RBMS3: variants seen among roughly 807,000 people sequenced by gnomAD.
The protein encoded by RBMS3 is RNA binding motif single stranded interacting protein 3.
Under a neutral mutation model 66.8 loss-of-function variants are expected in RBMS3, and 27 were observed. That is an observed-to-expected ratio of 0.40 (90% CI 0.30 to 0.56). The LOEUF (loss-of-function observed/expected upper bound fraction) is 0.56, where lower values mean the gene tolerates loss of function less well. RBMS3 is among the 20% of genes least tolerant of loss of function. RBMS3 has a pLI of 0.40. For missense variants in RBMS3, 513 were observed against 549.5 expected, an observed-to-expected ratio of 0.93 and a Z score of 0.66; for synonymous variants, 188 against 183.0, an observed-to-expected ratio of 1.03 and a Z score of -0.22.
At chr3:29,900,515 A>T (rs17838728) in intron 10 of RBMS3, among the ~76,000 whole-genome samples, 4 of 151,746 alleles carry the variant, frequency 2.6e-5, no homozygotes, top group Non-Finnish European at 5.9e-5. Flanking sequence ...TCTTTGCCTA[A>T]GTCTTCCAGG....
At chr3:29,370,442 T>C (rs950349451) in intron 1 of RBMS3, among the ~76,000 whole-genome samples, 27 of 152,240 alleles carry the variant, frequency 1.8e-4, no homozygotes, top group African/African-American at 6.3e-4. Context: ...TTTTAATTTC[T>C]ATATTTTAGT....
intron 4 of RBMS3, among the ~76,000 whole-genome samples, chr3:29,624,727 A>T (rs1171412091): frequency 6.6e-6 from 1 of 152,214 alleles, no homozygotes; most frequent in Non-Finnish European, 1.5e-5. Flanking sequence ...TATGAGCATA[A>T]ATAGGTATAA....
At chr3:29,357,481 C>T (rs545016517) in intron 1 of RBMS3, among the ~76,000 whole-genome samples, 21 of 152,088 alleles carry the variant, frequency 1.4e-4, no homozygotes, top group African/African-American at 2.7e-4. Flanking sequence ...CAAGTCTTGG[C>T]GATTGTGAGT....
intron 12 of RBMS3, among the ~76,000 whole-genome samples, chr3:29,959,639 C>T (rs1696283373): frequency 6.6e-6 from 1 of 152,178 alleles, no homozygotes; most frequent in Non-Finnish European, 1.5e-5. Flanking sequence ...TTACTCAAGA[C>T]TGAGTAATGT....
At chr3:29,838,244 T>C (rs1403461338) in intron 6 of RBMS3, among the ~76,000 whole-genome samples, 1 of 135,490 alleles carries the variant, frequency 7.4e-6, no homozygotes, top group Non-Finnish European at 1.6e-5. Context: ...GAGGCCAGGG[T>C]GGGAGAATTA....
chr3:29,545,571 A>G (rs911131780), intron 3 of RBMS3, among the ~76,000 whole-genome samples: 1 of 152,218 alleles, frequency 6.6e-6, no homozygotes, highest in Non-Finnish European at 1.5e-5. Flanking sequence ...TTTCAGCGCT[A>G]TGTTGAAGAC....
At chr3:29,872,402 T>C (rs2059513514) in intron 7 of RBMS3, among the ~76,000 whole-genome samples, 1 of 152,154 alleles carries the variant, frequency 6.6e-6, no homozygotes, top group South Asian at 2.1e-4. Context: ...GCATTCTCTC[T>C]TTTTCTATAC....
chr3:29,980,667 T>TTC (rs1697923859), intron 12 of RBMS3, among the ~76,000 whole-genome samples: 1 of 152,060 alleles, frequency 6.6e-6, no homozygotes, highest in South Asian at 2.1e-4. Flanking sequence ...CCAGTTTTCC[T>TTC]AACACCACTT....
chr3:29,945,019 TGATTTA>T (rs2149705724), intron 12 of RBMS3, among the ~76,000 whole-genome samples: 1 of 151,886 alleles, frequency 6.6e-6, no homozygotes, highest in African/African-American at 2.4e-5. Context: ...TTTTGAATTT[TGATTTA>T]TTGCAAAGAG....
chr3:29,437,467 T>C (rs2041443451), intron 2 of RBMS3, among the ~76,000 whole-genome samples: 1 of 152,270 alleles, frequency 6.6e-6, no homozygotes, highest in South Asian at 2.1e-4. Context: ...TGATAAAGAA[T>C]ATTAAGTGAA....
At chr3:29,631,710 GT>G (rs1453115478) in intron 4 of RBMS3, among the ~76,000 whole-genome samples, 1 of 151,690 alleles carries the variant, frequency 6.6e-6, no homozygotes. Flanking sequence ...GTTTAAGCAT[GT>G]TTTTTTCTAG....
At chr3:29,958,306 C>A (rs1450856356) in intron 12 of RBMS3, among the ~76,000 whole-genome samples, 1 of 152,080 alleles carries the variant, frequency 6.6e-6, no homozygotes, top group African/African-American at 2.4e-5. Context: ...CTTTTGAAAG[C>A]CTTTCTTTTT....
chr3:29,723,502 C>A (rs2053732017), intron 4 of RBMS3, among the ~76,000 whole-genome samples: 2 of 152,134 alleles, frequency 1.3e-5, no homozygotes, highest in Non-Finnish European at 2.9e-5. Flanking sequence ...TCATTAATGA[C>A]ATTTTATATA....
At chr3:29,298,048 A>C (rs2033402730) in intron 1 of RBMS3, among the ~76,000 whole-genome samples, 1 of 151,778 alleles carries the variant, frequency 6.6e-6, no homozygotes, top group Non-Finnish European at 1.5e-5. Context: ...CCCTTTTGTT[A>C]ATCTTCCTCC....
intron 4 of RBMS3, chr3:29,696,975 G>A (rs2052310684): frequency 1.0e-6 from 1 of 977,434 alleles, no homozygotes; most frequent in Non-Finnish European, 1.2e-6. Context: ...GGTACCCCTA[G>A]TAGTTGTGAT....
chr3:29,433,470 C>A (rs6809334), intron 1 of RBMS3, among the ~76,000 whole-genome samples: 122,651 of 152,156 alleles, frequency 0.81, 50,116 homozygotes, highest in East Asian at 0.97. Flanking sequence ...CATGAATATT[C>A]ATATTATTGT....
At chr3:29,306,479 A>C (rs1559475360) in intron 1 of RBMS3, among the ~76,000 whole-genome samples, 1 of 151,948 alleles carries the variant, frequency 6.6e-6, no homozygotes, top group Non-Finnish European at 1.5e-5. Context: ...GTTTTGACTA[A>C]TAAGAATCAA....
At chr3:29,552,883 T>C (rs1023499262) in intron 3 of RBMS3, among the ~76,000 whole-genome samples, 1 of 152,152 alleles carries the variant, frequency 6.6e-6, no homozygotes, top group African/African-American at 2.4e-5. Flanking sequence ...CTAAATACTA[T>C]CTAGAGATAG....
At chr3:29,373,598 G>C (rs1266063075) in intron 1 of RBMS3, among the ~76,000 whole-genome samples, 2 of 152,186 alleles carry the variant, frequency 1.3e-5, no homozygotes, top group African/African-American at 4.8e-5. Flanking sequence ...CAGTGGTTAA[G>C]GTCCTTATGA....
Sources: gnomAD v4.1 joint callset for allele counts (sites outside exome capture counted in the v4.1 genomes callset) on GRCh38, gnomAD v4.1.1 for gene constraint, MANE v1.5 for transcripts, NCBI Gene and HGNC (gene_info 2026-07-23, HGNC 2026-07-21) for gene names.